The following SORBS2 variants were observed in gnomAD, a reference collection of about 807,000 sequenced individuals.
SORBS2 encodes the protein sorbin and SH3 domain-containing protein 2.
SORBS2 carries 46 observed loss-of-function variants against 97.7 expected under a neutral mutation model. That is an observed-to-expected ratio of 0.47 (90% CI 0.37 to 0.60). SORBS2 has a LOEUF of 0.60. SORBS2 is among the 20% of genes least tolerant of loss of function. The probability of loss-of-function intolerance (pLI) is 0.00; values close to 1 mark genes in which losing one functional copy is unlikely to be tolerated. For synonymous variants in SORBS2, 476 were observed against 473.4 expected, an observed-to-expected ratio of 1.01 and a Z score of -0.07; for missense variants, 1,316 against 1,282.3, an observed-to-expected ratio of 1.03 and a Z score of -0.40.
chr4:185,731,856 CTCTCTCTCTCTATATATATATATATA>C (rs1187274430), intron 2 of SORBS2, among the ~76,000 whole-genome samples: 25 of 35,308 alleles, frequency 7.1e-4, no homozygotes, highest in African/African-American at 1.8e-3. Context: ...CTCTCTCTCT[CTCTCTCTCTCTATATATATATATATA>C]TATATATATA....
At chr4:185,874,381 A>G (rs1561256361) in intron 1 of SORBS2, among the ~76,000 whole-genome samples, 1 of 152,326 alleles carries the variant, frequency 6.6e-6, no homozygotes, top group Admixed American at 6.5e-5. Context: ...ATTACAGAGA[A>G]TCTGTTCATT....
upstream of SORBS2, chr4:185,657,422 A>C: frequency 6.5e-7 from 1 of 1,537,420 alleles, no homozygotes; most frequent in East Asian, 2.4e-5. Flanking sequence ...GGCATTTCCT[A>C]CCGTTCTAAT....
intron 1 of SORBS2, among the ~76,000 whole-genome samples, chr4:185,903,614 C>T (rs189841065): frequency 1.2e-3 from 188 of 152,216 alleles, no homozygotes; most frequent in African/African-American, 4.1e-3. Flanking sequence ...GGAATGCATT[C>T]GTTAAATAAT....
intron 1 of SORBS2, among the ~76,000 whole-genome samples, chr4:185,943,812 T>C (rs553085582): frequency 6.6e-6 from 1 of 152,358 alleles, no homozygotes; most frequent in East Asian, 1.9e-4. Context: ...ACAATGCCCT[T>C]ACTCTTGGGG....
chr4:185,718,135 G>A (rs900266214), intron 2 of SORBS2, among the ~76,000 whole-genome samples: 8 of 152,126 alleles, frequency 5.3e-5, no homozygotes, highest in African/African-American at 1.9e-4. Flanking sequence ...GGAGGCTGAG[G>A]CAGGAGAATC....
chr4:185,668,390 T>A lies in SORBS2; in HGVS notation c.-45-6148A>T, dbSNP rs150233929. ...ATGCTCCTGGTTTTGAGTCTTTTAA[T>A]GCACGTGTGTGTATGGGTGTGTATG... On this transcript the variant is annotated intron_variant, in intron 4 of 20. Transcript: ENST00000284776. Among the ~76,000 whole-genome samples, 649 of 152,380 alleles carry A rather than the reference T, an allele frequency of 4.3e-3. 2 individuals are homozygous for A. The highest frequency in any genetic ancestry group is 0.017 in the Middle Eastern group (5 of 294).
intron 12 of SORBS2, among the ~76,000 whole-genome samples, chr4:185,605,575 A>G (rs2310321): frequency 0.52 from 78,269 of 151,634 alleles, 21,416 homozygotes; most frequent in East Asian, 0.82. Context: ...AAGCCACCGC[A>G]GCTGGCCTTA....
intron 2 of SORBS2, among the ~76,000 whole-genome samples, chr4:185,720,140 A>G (rs2153559163): frequency 6.6e-6 from 1 of 152,310 alleles, no homozygotes; most frequent in Admixed American, 6.5e-5. Context: ...ACAGAGCAAT[A>G]AATGGAAGGA....
intron 1 of SORBS2, among the ~76,000 whole-genome samples, chr4:185,891,189 A>G (rs1561273582): frequency 2.0e-5 from 3 of 152,248 alleles, no homozygotes; most frequent in Non-Finnish European, 4.4e-5. Flanking sequence ...CAAAAAAGTA[A>G]GTGGACTTTA....
exon 1 of SORBS2, chr4:185,656,654 C>A: frequency 6.4e-7 from 1 of 1,551,172 alleles, no homozygotes; most frequent in South Asian, 1.2e-5. Context: ...CCCCGGCTTC[C>A]TTCTCCCGGC....
chr4:185,639,623 G>A (rs1175595261), intron 4 of SORBS2, among the ~76,000 whole-genome samples: 2 of 152,100 alleles, frequency 1.3e-5, no homozygotes, highest in African/African-American at 4.8e-5. Flanking sequence ...CTATATACAA[G>A]TTATTACTTC....
At chr4:185,717,596 A>G (rs2098476763) in intron 2 of SORBS2, among the ~76,000 whole-genome samples, 1 of 152,220 alleles carries the variant, frequency 6.6e-6, no homozygotes, top group African/African-American at 2.4e-5. Flanking sequence ...TAGAAGCCGC[A>G]TGTGGTCAAA....
intron 4 of SORBS2, among the ~76,000 whole-genome samples, chr4:185,640,743 T>C (rs2097112263): frequency 6.6e-6 from 1 of 152,214 alleles, no homozygotes; most frequent in Non-Finnish European, 1.5e-5. Flanking sequence ...GTTCGTGAAA[T>C]GGCTTTGCTG....
chr4:185,818,692 G>C (rs575228188), intron 1 of SORBS2, among the ~76,000 whole-genome samples: 1 of 152,116 alleles, frequency 6.6e-6, no homozygotes, highest in South Asian at 2.1e-4. Context: ...TGGGCCTGGT[G>C]GTGGGCGCCT....
chr4:185,649,648 T>A lies in SORBS2; in HGVS notation c.100A>T (p.Asn34Tyr), dbSNP rs374337627. 4 of 1,421,334 alleles carry A rather than the reference T, an allele frequency of 2.8e-6. No homozygotes were observed. Among genetic ancestry groups the A allele is most frequent in the Non-Finnish European group, 3.7e-6 (4 of 1,080,922 alleles). 88.0% of individuals were successfully genotyped at this position (1,421,334 alleles called of 1,614,324 possible). Residue 34 changes from asparagine to tyrosine, a missense_variant, in exon 3 of 15, where the codon AAC becomes TAC. Physicochemically the swap from Asn to Tyr is moderately radical, Grantham distance 143. Transcript: ENST00000418609. ...TGTGACTGAGCACTGTAGGGTGGGTTGTACAGACCTATCATGACAAAAAAC... is the reference window on the plus strand; with the variant it reads ...TGTGACTGAGCACTGTAGGGTGGGTAGTACAGACCTATCATGACAAAAAAC...
intron 1 of SORBS2, among the ~76,000 whole-genome samples, chr4:185,788,448 C>A (rs2153643258): frequency 6.6e-6 from 1 of 152,266 alleles, no homozygotes; most frequent in East Asian, 1.9e-4. Context: ...TCAAGTACGG[C>A]AGTGTGATCT....
chr4:185,629,562 T>TG (rs2096872345), intron 5 of SORBS2, among the ~76,000 whole-genome samples: 1 of 142,502 alleles, frequency 7.0e-6, no homozygotes, highest in South Asian at 2.1e-4. Context: ...ATTTTGTGAT[T>TG]TGTTTTTTTT....
chr4:185,786,708 TC>T (rs1204095987), intron 1 of SORBS2, among the ~76,000 whole-genome samples: 3 of 152,190 alleles, frequency 2.0e-5, no homozygotes, highest in Non-Finnish European at 2.9e-5. Flanking sequence ...ACGCCTGTAA[TC>T]CCAGCATTTT....
At chr4:185,694,728 A>T (rs1267639975) in intron 2 of SORBS2, among the ~76,000 whole-genome samples, 2 of 34,010 alleles carry the variant, frequency 5.9e-5, no homozygotes, top group Non-Finnish European at 1.3e-4. Flanking sequence ...TTTTTTTGAG[A>T]CGGAGTCTCA....
Sources: allele counts gnomAD v4.1 joint callset (sites outside exome capture counted in the v4.1 genomes callset), GRCh38; gene constraint gnomAD v4.1.1; transcripts MANE v1.5; gene names NCBI Gene and HGNC (gene_info 2026-07-23, HGNC 2026-07-21).